MED13L: variants seen among roughly 807,000 people sequenced by gnomAD.
MED13L encodes the protein mediator of RNA polymerase II transcription subunit 13-like.
A neutral mutation model predicts 220.9 loss-of-function variants in MED13L; 7 were observed. The observed-to-expected ratio is 0.03, with a 90% CI of 0.02 to 0.06. The LOEUF is 0.06. Ranked by LOEUF, MED13L falls within the 10% of genes least tolerant of loss-of-function variation. The pLI, the probability that MED13L is intolerant of heterozygous loss-of-function variation, is 1.00. For missense variants in MED13L, 1,965 were observed against 2,760.5 expected (o/e 0.71, Z 6.46); for synonymous variants, 1,011 against 1,015.2 (o/e 1.00, Z 0.08).
intron 1 of MED13L, among the ~76,000 whole-genome samples, chr12:116,270,004 T>TA (rs1291242710): frequency 6.6e-6 from 1 of 151,400 alleles, no homozygotes; most frequent in African/African-American, 2.4e-5. Context: ...AGCACTTTAT[T>TA]AACTTAAAAA....
At chr12:116,024,779 G>GGGT (rs1880282487) in intron 4 of MED13L, among the ~76,000 whole-genome samples, 3 of 93,766 alleles carry the variant, frequency 3.2e-5, no homozygotes, top group Non-Finnish European at 6.6e-5. Flanking sequence ...GGGGCGGGGG[G>GGGT]GGGGGGGAGG....
At chr12:116,074,195 CACCAACCTG>C (rs1870603003) in intron 4 of MED13L, among the ~76,000 whole-genome samples, 1 of 152,100 alleles carries the variant, frequency 6.6e-6, no homozygotes, top group Admixed American at 6.5e-5. Flanking sequence ...AGGAGTTCGA[CACCAACCTG>C]GCCAGCATGG....
At chr12:116,070,787 C>G (rs1870308006) in intron 4 of MED13L, among the ~76,000 whole-genome samples, 1 of 152,146 alleles carries the variant, frequency 6.6e-6, no homozygotes, top group Admixed American at 6.5e-5. Context: ...ATTAATGCTA[C>G]CACTTTAGGA....
intron 4 of MED13L, among the ~76,000 whole-genome samples, chr12:116,084,305 A>G (rs1185893171): frequency 6.6e-6 from 1 of 152,224 alleles, no homozygotes; most frequent in Non-Finnish European, 1.5e-5. Context: ...AATGCACGAC[A>G]GTACATATTC....
At chr12:116,007,706 T>G (rs932566876) in intron 10 of MED13L, 70 bp from the exon 11 acceptor site, 1 of 1,363,130 alleles carries the variant, frequency 7.3e-7, no homozygotes, top group African/African-American at 1.5e-5. Flanking sequence ...TTTAAACTTT[T>G]TGTAAAAACA....
chr12:116,021,409 G>A lies in MED13L; in HGVS notation c.625+1047C>T, dbSNP rs147767306. 6.6e-5 allele frequency among the ~76,000 whole-genome samples: 10 copies of A among 152,154 alleles called. No homozygotes were observed. In the East Asian group the frequency reaches 1.9e-3, roughly 29 times the overall value. Reference sequence around the variant, plus strand: ...CAGCACTTTTACACTCAAGAAAACAGTATTTTAAAAATTCTGATAAGCCAT... The same window carrying A: ...CAGCACTTTTACACTCAAGAAAACAATATTTTAAAAATTCTGATAAGCCAT... On this transcript the variant is annotated intron_variant, in intron 5 of 30. Transcript: ENST00000281928.
At chr12:116,189,755 G>T (rs1881144974) in intron 2 of MED13L, among the ~76,000 whole-genome samples, 1 of 152,250 alleles carries the variant, frequency 6.6e-6, no homozygotes, top group African/African-American at 2.4e-5. Flanking sequence ...AGAGTTATAA[G>T]ACCTTTGTCA....
chr12:116,273,311 T>A (rs1873544119), intron 1 of MED13L, among the ~76,000 whole-genome samples: 2 of 151,418 alleles, frequency 1.3e-5, no homozygotes, highest in South Asian at 2.1e-4. Context: ...CTCAAAAAAA[T>A]AAAAAATAAA....
At chr12:116,146,323 T>C (rs1228033264) in intron 2 of MED13L, among the ~76,000 whole-genome samples, 2 of 151,304 alleles carry the variant, frequency 1.3e-5, no homozygotes, top group African/African-American at 4.9e-5. Flanking sequence ...GCTTTCACCA[T>C]GTTGGCCAAG....
chr12:116,076,073 C>T (rs1215834683), intron 4 of MED13L, among the ~76,000 whole-genome samples: 1 of 151,902 alleles, frequency 6.6e-6, no homozygotes, highest in Non-Finnish European at 1.5e-5. Context: ...GCTACCACGC[C>T]CGGCTAATTT....
At chr12:116,007,078 C>T in intron 11 of MED13L, 6 of 346,864 alleles carry the variant, frequency 1.7e-5, no homozygotes, top group Non-Finnish European at 2.2e-5. Context: ...TTTTCCTTTA[C>T]ATTTTGGGTA....
chr12:116,018,656 G>T (rs550884396), intron 7 of MED13L, among the ~76,000 whole-genome samples: 1 of 152,188 alleles, frequency 6.6e-6, no homozygotes, highest in East Asian at 1.9e-4. Context: ...AACAATTTCT[G>T]AATTTTTCCA....
chr12:116,015,166 T>C lies in MED13L; in HGVS notation c.1118A>G (p.His373Arg), dbSNP rs778321404. ...KRSGKIPPKLHNHMVHRVWKE... is the reference protein window; with the variant it reads ...KRSGKIPPKLRNHMVHRVWKE... The stretch of plus-strand genomic sequence containing the variant: ...CCAGACTCGATGGACCATATGATTG[T>C]GGAGTTTTGGAGGAATCTTCCCCGA... Residue 373 changes from histidine (H) to arginine (R), a missense_variant, in exon 8 of 31, where the codon CAC becomes CGC. By Grantham distance (29) the His-to-Arg change is conservative. Transcript: ENST00000281928. The C allele has an allele frequency of 1.9e-6, 3 of 1,613,916 alleles. No homozygotes were observed. The highest frequency in any genetic ancestry group is 2.5e-6 in the Non-Finnish European group (3 of 1,179,870).
At chr12:116,111,548 AG>A in intron 2 of MED13L, 36 bp from the exon 3 acceptor site, 4 of 1,495,358 alleles carry the variant, frequency 2.7e-6, no homozygotes, top group Non-Finnish European at 3.7e-6. Flanking sequence ...AAAAAGAACC[AG>A]TAAAAAGGAC....
Position 116,017,763 on chromosome 12 carries a change from T to C in MED13L, c.1009+1461A>G, listed in dbSNP as rs1448326421. 2.0e-5 allele frequency among the ~76,000 whole-genome samples: 3 copies of C among 152,026 alleles called. 1 individual carries two copies. Among genetic ancestry groups the C allele is most frequent in the South Asian group, 4.1e-4 (2 of 4,824 alleles). ...CCCAAGTAGCTGGAACTACAGGCAT[T>C]TGTCACCATGCATAGCTCATTTTTG... On this transcript the variant is annotated intron_variant, in intron 7 of 30. Coordinates refer to ENST00000281928, the MANE Select transcript of MED13L (RefSeq NM_015335.5).
At chr12:116,072,176 TAC>T (rs1307534644) in intron 4 of MED13L, among the ~76,000 whole-genome samples, 13 of 152,244 alleles carry the variant, frequency 8.5e-5, no homozygotes, top group Non-Finnish European at 4.4e-5. Context: ...TGTAGGGAAA[TAC>T]AGTCAGGACC....
intron 2 of MED13L, among the ~76,000 whole-genome samples, chr12:116,181,470 A>C (rs1259739066): frequency 6.6e-6 from 1 of 152,100 alleles, no homozygotes; most frequent in African/African-American, 2.4e-5. Context: ...ACTCTTTACT[A>C]TCATCTCAAT....
chr12:116,045,517 T>C (rs1408074244), intron 4 of MED13L, among the ~76,000 whole-genome samples: 1 of 152,172 alleles, frequency 6.6e-6, no homozygotes, highest in Admixed American at 6.5e-5. Flanking sequence ...CCCTGTGGAC[T>C]TGTAACTAAT....
Position 116,020,039 on chromosome 12 carries a change from C to T in MED13L, c.626-67G>A, listed in dbSNP as rs1879965700. Reference sequence around the variant, plus strand: ...TAATTCCTACTTAAGTGCAACACTACATATGTGGTAATTTTAGGTTACAGT... The same window carrying T: ...TAATTCCTACTTAAGTGCAACACTATATATGTGGTAATTTTAGGTTACAGT... On this transcript the variant is annotated intron_variant, in intron 5 of 30. Coordinates refer to ENST00000281928, the MANE Select transcript of MED13L (RefSeq NM_015335.5). 12 of 1,378,842 alleles carry T rather than the reference C, an allele frequency of 8.7e-6. No homozygotes were observed. In the South Asian group the frequency reaches 1.1e-4, roughly 12 times the overall value. The allele number at this position is 1,378,842 out of a possible 1,614,324, so 85.4% of individuals were successfully genotyped here. A position where few individuals can be genotyped will look rare whatever the true frequency, so the allele number is the denominator to read the frequency against.
Sources: gnomAD v4.1 joint callset for allele counts (sites outside exome capture counted in the v4.1 genomes callset) on GRCh38, gnomAD v4.1.1 for gene constraint, MANE v1.5 for transcripts, NCBI Gene and HGNC (gene_info 2026-07-23, HGNC 2026-07-21) for gene names.